SLC13A5: variants seen among roughly 807,000 people sequenced by gnomAD.
SLC13A5 encodes Na(+)/citrate cotransporter.
In SLC13A5, 25 loss-of-function variants were observed where a neutral mutation model predicts 56.5. That is an observed-to-expected ratio of 0.44 (90% CI 0.32 to 0.62). SLC13A5 has a LOEUF of 0.62. Ranked by LOEUF, SLC13A5 falls within the 20% of genes least tolerant of loss-of-function variation. SLC13A5 has a pLI of 0.04. For synonymous variants in SLC13A5, 307 were observed against 301.5 expected, an observed-to-expected ratio of 1.02 and a Z score of -0.19; for missense variants, 649 against 737.8, an observed-to-expected ratio of 0.88 and a Z score of 1.39.
Position 6,701,161 on chromosome 17 carries a change from G to A in SLC13A5, c.717-35C>T. On this transcript the variant is annotated intron_variant, in intron 5 of 11. Transcript: ENST00000433363. The surrounding 1 kb of genome is among the most constrained non-coding windows in gnomAD (Gnocchi z 4.1). ...GACACCGGCCCCCACCTCAGATGCTGAGCTGTGGGAGCCAGCCTGGCCCTG... is the reference window on the plus strand; with the variant it reads ...GACACCGGCCCCCACCTCAGATGCTAAGCTGTGGGAGCCAGCCTGGCCCTG... The A allele has an allele frequency of 1.9e-6, 3 of 1,611,086 alleles. No homozygotes were observed. The highest frequency in any genetic ancestry group is 2.5e-6 in the Non-Finnish European group (3 of 1,178,764).
At position 6,701,062 on chromosome 17, in the gene SLC13A5, T is replaced by C; in HGVS notation, c.781A>G (p.Met261Val). The change falls in exon 6 of 12, where the codon ATG becomes GTG. Residue 261 changes from methionine to valine, a missense_variant. Transcript: ENST00000433363. This position sits in a 1 kb window ranked among gnomAD's most constrained non-coding sequence, Gnocchi z 4.1. ...ASWFAFAFPN[M>V]LVMLLFAWLW... ...CAGGCGAACAGCAGCATCACCAGCA[T>C]GTTGGGAAAGGCAAATGCAAACCAG... 6.2e-7 allele frequency: 1 copy of C among 1,614,182 alleles called. No individual in the cohort carries two copies.
At position 6,701,641 on chromosome 17, in the gene SLC13A5, C is replaced by T. The variant is rs1048578433; in HGVS notation, c.717-515G>A. On this transcript the variant is annotated intron_variant, in intron 5 of 11. Transcript: ENST00000433363. The surrounding 1 kb of genome is among the most constrained non-coding windows in gnomAD (Gnocchi z 4.1). ...GGGAGAATCGCTTGAACCCAGGAGG[C>T]AGAGGTTGCAGTGAGCCAACATCGC... Among the ~76,000 whole-genome samples the T allele has an allele frequency of 4.6e-5, 7 of 152,276 alleles. No homozygotes were observed. Among genetic ancestry groups the T allele is most frequent in the Non-Finnish European group, 8.8e-5 (6 of 68,018 alleles).
chr17:6,698,899 CATG>C (rs1265164335), intron 6 of SLC13A5, among the ~76,000 whole-genome samples: 2 of 151,524 alleles, frequency 1.3e-5, no homozygotes, highest in Admixed American at 6.6e-5. Flanking sequence ...ATTAGCCAGG[CATG>C]GTGGTGGTGG....
chr17:6,712,570 G>A (rs1463479223), intron 1 of SLC13A5, among the ~76,000 whole-genome samples: 1 of 152,240 alleles, frequency 6.6e-6, no homozygotes, highest in Non-Finnish European at 1.5e-5. Flanking sequence ...AGCCCCAGCA[G>A]GCAGGAGGCA....
In SLC13A5 at chr17:6,692,768, G is replaced by A. The variant is rs1415047271; in HGVS notation, c.1275+276C>T. 4.3e-6 allele frequency: 2 copies of A among 466,358 alleles called. No homozygotes were observed. The highest frequency in any genetic ancestry group is 4.9e-5 in the South Asian group (2 of 40,744). The allele number at this position is 466,358 out of a possible 1,614,324, so 28.9% of individuals were successfully genotyped here. A position where few individuals can be genotyped will look rare whatever the true frequency, so the allele number is the denominator to read the frequency against. ...CAGAGATTATTGTGATCAAGCCCCA[G>A]AGGGTAACTGACAGTGTCCTCTGCC... On this transcript the variant is annotated intron_variant, in intron 9 of 11. Coordinates refer to ENST00000433363, the MANE Select transcript of SLC13A5 (RefSeq NM_177550.5). This position sits in a 1 kb window ranked among gnomAD's most constrained non-coding sequence, Gnocchi z 5.5.
At chr17:6,710,056 G>A (rs1418940314) in intron 1 of SLC13A5, among the ~76,000 whole-genome samples, 3 of 152,214 alleles carry the variant, frequency 2.0e-5, no homozygotes, top group African/African-American at 7.2e-5. Context: ...AACTAAAGGC[G>A]GAACAGCAGC....
In SLC13A5 at chr17:6,692,767, A is replaced by C. The variant is rs1312840931; in HGVS notation, c.1275+277T>G. 4 of 464,774 alleles carry C rather than the reference A, an allele frequency of 8.6e-6. No individual in the cohort carries two copies. Among genetic ancestry groups the C allele is most frequent in the Middle Eastern group, 6.0e-4 (1 of 1,680 alleles). The allele number at this position is 464,774 out of a possible 1,614,324, so 28.8% of individuals were successfully genotyped here. ...GCAGAGATTATTGTGATCAAGCCCC[A>C]GAGGGTAACTGACAGTGTCCTCTGC... On this transcript the variant is annotated intron_variant, in intron 9 of 11. Coordinates refer to ENST00000433363, the MANE Select transcript of SLC13A5 (RefSeq NM_177550.5). The surrounding 1 kb of genome is among the most constrained non-coding windows in gnomAD (Gnocchi z 5.5).
In SLC13A5 at chr17:6,693,140, GGGATAAAAT is replaced by G. The variant is rs1567616191; in HGVS notation, c.1170_1178del (p.Phe391_Pro393del). On this transcript the variant is annotated inframe_deletion, in exon 9 of 12. Transcript: ENST00000433363. Reference sequence around the variant, plus strand: ...TTACCTTCCAATCCAGCAGGGGAGGGGGATAAAATGGAGTTTTCCTTTCTGGGAAGAAAA... The same window carrying G: ...TTACCTTCCAATCCAGCAGGGGAGGGGGAGTTTTCCTTTCTGGGAAGAAAA... 1.9e-6 allele frequency: 3 copies of G among 1,609,210 alleles called. No homozygotes were observed. In the South Asian group the frequency reaches 3.3e-5, roughly 18 times the overall value.
Position 6,692,281 on chromosome 17 carries a change from A to T in SLC13A5, c.1275+763T>A, listed in dbSNP as rs1240320959. On this transcript the variant is annotated intron_variant, in intron 9 of 11. Transcript: ENST00000433363. The surrounding 1 kb of genome is among the most constrained non-coding windows in gnomAD (Gnocchi z 5.5). ...GATGGATGGATGGATGGATGGACGG[A>T]TGGACGGACGGATGGATGGATGAAG... 5.3e-5 allele frequency among the ~76,000 whole-genome samples: 8 copies of T among 151,218 alleles called. No individual in the cohort carries two copies. The highest frequency in any genetic ancestry group is 2.0e-4 in the African/African-American group (8 of 40,628).
At chr17:6,707,432 A>G (rs1973901459) in intron 1 of SLC13A5, among the ~76,000 whole-genome samples, 1 of 152,168 alleles carries the variant, frequency 6.6e-6, no homozygotes, top group East Asian at 1.9e-4. Flanking sequence ...TCATCTTCTC[A>G]AACCTTGGAT....
At position 6,684,838 on chromosome 17, in the gene SLC13A5, A is replaced by G. The variant is rs1395317751; in HGVS notation, c.*1369T>C. The G allele has an allele frequency of 6.6e-6, 1 of 152,226 alleles. No individual in the cohort carries two copies. The highest frequency in any genetic ancestry group is 2.4e-5 in the African/African-American group (1 of 41,442). 9.4% of individuals were successfully genotyped at this position (152,226 alleles called of 1,614,324 possible). A position where few individuals can be genotyped will look rare whatever the true frequency, so the allele number is the denominator to read the frequency against. The stretch of plus-strand genomic sequence containing the variant: ...TGATGGGGTTTCCTGAGGCTCTCAT[A>G]CTTTCTCCTGCCCTGGAAAATGCCA... On this transcript the variant is annotated 3_prime_UTR_variant, in exon 12 of 12. Coordinates refer to ENST00000433363, the MANE Select transcript of SLC13A5 (RefSeq NM_177550.5).
intron 6 of SLC13A5, 25 bp downstream of exon 6, chr17:6,700,979 T>C: frequency 6.2e-7 from 1 of 1,613,634 alleles, no homozygotes; most frequent in Non-Finnish European, 8.5e-7. Context: ...TAGGCATAAT[T>C]AGGCTGTGAG....
rs557377009 is a variant in SLC13A5 at position 6,690,717 on chromosome 17, C to A, written c.1437+62G>T. The A allele has an allele frequency of 8.1e-6, 13 of 1,609,386 alleles. No homozygotes were observed. In the South Asian group the frequency reaches 1.3e-4, roughly 16 times the overall value. ...GGACATTGCTGCCTCGTCAGGGACC[C>A]ACAATATGGCCATGTGTTCCTGTGA... On this transcript the variant is annotated intron_variant, in intron 10 of 11. Transcript: ENST00000433363.
At chr17:6,704,634 CG>C in intron 3 of SLC13A5, 1 of 241,554 alleles carries the variant, frequency 4.1e-6, no homozygotes, top group Non-Finnish European at 8.4e-6. Flanking sequence ...CCCTCCGCCC[CG>C]CACATACACT....
chr17:6,711,486 GT>G lies in SLC13A5; in HGVS notation c.102+1745del, dbSNP rs1974022895. The stretch of plus-strand genomic sequence containing the variant: ...ACTGAGTTAGGGTTTCCAGTTCAGG[GT>G]GTGTGTGTGTGTGTGTGTGTATGTG... On this transcript the variant is annotated intron_variant, in intron 1 of 11. Coordinates refer to ENST00000433363, the MANE Select transcript of SLC13A5 (RefSeq NM_177550.5). The surrounding 1 kb of genome is among the most constrained non-coding windows in gnomAD (Gnocchi z 4.0). Among the ~76,000 whole-genome samples, 5 of 30,044 alleles carry G rather than the reference GT, an allele frequency of 1.7e-4. No individual in the cohort carries two copies. In the African/African-American group the frequency reaches 3.3e-3, roughly 20 times the overall value. The allele number at this position is 30,044 out of a possible 152,430, so 19.7% of individuals were successfully genotyped here. A position where few individuals can be genotyped will look rare whatever the true frequency, so the allele number is the denominator to read the frequency against.
intron 6 of SLC13A5, among the ~76,000 whole-genome samples, chr17:6,698,163 C>T (rs1173442636): frequency 6.6e-6 from 1 of 152,250 alleles, no homozygotes; most frequent in Admixed American, 6.5e-5. Context: ...GCTACCCCGG[C>T]CAGCCACACT....
At chr17:6,695,171 T>C (rs1431572417) in intron 7 of SLC13A5, among the ~76,000 whole-genome samples, 1 of 152,148 alleles carries the variant, frequency 6.6e-6, no homozygotes, top group African/African-American at 2.4e-5. Flanking sequence ...CTCAGCCTAC[T>C]CAGGGAGGAG....
chr17:6,695,719 GACTT>G lies in SLC13A5; in HGVS notation c.1055+3_1055+6del. On this transcript the variant is annotated splice_donor_5th_base_variant and intron_variant, in intron 7 of 11. Coordinates refer to ENST00000433363, the MANE Select transcript of SLC13A5 (RefSeq NM_177550.5). The stretch of plus-strand genomic sequence containing the variant: ...AGCCAGCGATTTCTATTGAATCCAA[GACTT>G]ACTTTGTCTCACCCTCCACCCAGGC... 3 of 1,614,030 alleles carry G rather than the reference GACTT, an allele frequency of 1.9e-6. No homozygotes were observed. Among genetic ancestry groups the G allele is most frequent in the Non-Finnish European group, 2.5e-6 (3 of 1,179,964 alleles).
intron 3 of SLC13A5, among the ~76,000 whole-genome samples, chr17:6,706,246 T>C (rs899872891): frequency 3.3e-5 from 5 of 152,122 alleles, no homozygotes; most frequent in South Asian, 2.1e-4. Flanking sequence ...AGAGAGGACC[T>C]TTCTGCTTCC....
Sources: allele counts gnomAD v4.1 joint callset (sites outside exome capture counted in the v4.1 genomes callset), GRCh38; gene constraint gnomAD v4.1.1; non-coding constraint Gnocchi (gnomAD v3.1); transcripts MANE v1.5; gene names NCBI Gene and HGNC (gene_info 2026-07-23, HGNC 2026-07-21).